Variants in CTNND2 observed in about 807,000 individuals in gnomAD.
CTNND2 encodes the protein catenin delta 2, also known as catenin delta-2.
In CTNND2, 22 loss-of-function variants were observed where a neutral mutation model predicts 144.4. The ratio of observed to expected loss-of-function variants is 0.15; its 90% confidence interval spans 0.11 to 0.22. CTNND2 has a LOEUF of 0.22. Among genes scored for constraint, CTNND2 ranks in the 10% least tolerant of loss-of-function variants. CTNND2 has a pLI of 1.00. For missense variants in CTNND2, 1,353 were observed against 1,618.8 expected, an observed-to-expected ratio of 0.84 and a Z score of 2.82; for synonymous variants, 751 against 695.6, an observed-to-expected ratio of 1.08 and a Z score of -1.25.
At chr5:11,529,787 C>A (rs1453084135) in intron 3 of CTNND2, among the ~76,000 whole-genome samples, 1 of 151,994 alleles carries the variant, frequency 6.6e-6, no homozygotes, top group Admixed American at 6.6e-5. Context: ...TATTTTCAAA[C>A]AATCTAAAAT....
chr5:11,555,769 C>A (rs1260532209), intron 3 of CTNND2, among the ~76,000 whole-genome samples: 1 of 151,778 alleles, frequency 6.6e-6, no homozygotes, highest in Non-Finnish European at 1.5e-5. Flanking sequence ...AACAATGATT[C>A]ATAAGGAGAT....
At chr5:11,854,425 G>A (rs1795159652) in intron 1 of CTNND2, among the ~76,000 whole-genome samples, 1 of 152,178 alleles carries the variant, frequency 6.6e-6, no homozygotes, top group African/African-American at 2.4e-5. Context: ...TAGCCAAGCA[G>A]ACACTTAAAA....
chr5:11,865,234 A>T (rs773838538), intron 1 of CTNND2, among the ~76,000 whole-genome samples: 1 of 152,174 alleles, frequency 6.6e-6, no homozygotes, highest in Non-Finnish European at 1.5e-5. Context: ...TGATTTAAGA[A>T]TATGAGATGG....
chr5:11,628,053 G>A (rs1378356006), intron 2 of CTNND2, among the ~76,000 whole-genome samples: 1 of 152,082 alleles, frequency 6.6e-6, no homozygotes, highest in East Asian at 1.9e-4. Flanking sequence ...CCATGGAGTA[G>A]TGCCAATCCA....
chr5:11,442,432 A>T (rs2149894991), intron 3 of CTNND2, among the ~76,000 whole-genome samples: 1 of 152,346 alleles, frequency 6.6e-6, no homozygotes, highest in Non-Finnish European at 1.5e-5. Flanking sequence ...CAGAACAAGT[A>T]AGCATATAAA....
chr5:11,109,239 G>A (rs990177879), intron 14 of CTNND2, among the ~76,000 whole-genome samples: 11 of 152,196 alleles, frequency 7.2e-5, no homozygotes, highest in African/African-American at 2.2e-4. Context: ...CTGCACACAG[G>A]AGCTCGTAGT....
At chr5:11,880,595 T>C (rs1735985638) in intron 1 of CTNND2, among the ~76,000 whole-genome samples, 1 of 124,374 alleles carries the variant, frequency 8.0e-6, no homozygotes. Context: ...CTACTCCTAC[T>C]ATCAGCACTA....
chr5:11,093,213 C>A (rs910895090), intron 15 of CTNND2, among the ~76,000 whole-genome samples: 2 of 152,176 alleles, frequency 1.3e-5, no homozygotes, highest in Admixed American at 6.5e-5. Flanking sequence ...GACTTCATAG[C>A]AAGTACAGAT....
chr5:11,124,762 C>G (rs980453720), intron 12 of CTNND2, among the ~76,000 whole-genome samples: 1 of 152,176 alleles, frequency 6.6e-6, no homozygotes, highest in Non-Finnish European at 1.5e-5. Context: ...TGTCTGTGAA[C>G]TCCTGATATT....
chr5:11,669,351 T>A (rs1273064115), intron 2 of CTNND2, among the ~76,000 whole-genome samples: 1 of 152,202 alleles, frequency 6.6e-6, no homozygotes, highest in African/African-American at 2.4e-5. Context: ...CTTCCGCTCT[T>A]TGTACCTCTG....
chr5:11,052,148 G>T (rs1561228725), intron 16 of CTNND2, among the ~76,000 whole-genome samples: 1 of 152,158 alleles, frequency 6.6e-6, no homozygotes. Flanking sequence ...AGGGCTGTTA[G>T]ATGGAAATAC....
At chr5:11,888,875 C>T (rs999842638) in intron 1 of CTNND2, among the ~76,000 whole-genome samples, 2 of 151,932 alleles carry the variant, frequency 1.3e-5, no homozygotes, top group Non-Finnish European at 2.9e-5. Context: ...CCTCAATCTC[C>T]TGAGTAACTG....
At chr5:11,508,462 G>GA (rs1160936707) in intron 3 of CTNND2, 1 of 152,022 alleles carries the variant, frequency 6.6e-6, no homozygotes, top group Non-Finnish European at 1.5e-5. Context: ...ATGCAAACGA[G>GA]AAAATTCATT....
chr5:11,471,008 C>G (rs552505973), intron 3 of CTNND2, among the ~76,000 whole-genome samples: 525 of 91,518 alleles, frequency 5.7e-3, no homozygotes, highest in South Asian at 0.013. Flanking sequence ...GATGGAGTCT[C>G]TCTCTGTCGC....
chr5:11,828,573 G>A (rs1201376393), intron 1 of CTNND2, among the ~76,000 whole-genome samples: 1 of 152,134 alleles, frequency 6.6e-6, no homozygotes, highest in Non-Finnish European at 1.5e-5. Flanking sequence ...TGCCCCACAA[G>A]CTCTCTCTGA....
chr5:11,325,397 T>A (rs1194776062), intron 9 of CTNND2, among the ~76,000 whole-genome samples: 1 of 152,136 alleles, frequency 6.6e-6, no homozygotes, highest in African/African-American at 2.4e-5. Context: ...AGTACACAAC[T>A]GATCAAGACA....
intron 1 of CTNND2, among the ~76,000 whole-genome samples, chr5:11,794,965 C>T (rs530534557): frequency 6.6e-6 from 1 of 152,326 alleles, no homozygotes; most frequent in African/African-American, 2.4e-5. Flanking sequence ...CCAAACACTA[C>T]TATATTTGTA....
chr5:11,345,905 T>G (rs948643824), intron 9 of CTNND2, among the ~76,000 whole-genome samples: 1 of 152,194 alleles, frequency 6.6e-6, no homozygotes, highest in Non-Finnish European at 1.5e-5. Context: ...TTTTCAGACA[T>G]AGAGAAATGA....
intron 9 of CTNND2, among the ~76,000 whole-genome samples, chr5:11,276,087 A>G (rs1746492663): frequency 6.6e-6 from 1 of 152,244 alleles, no homozygotes; most frequent in Non-Finnish European, 1.5e-5. Flanking sequence ...CAAATAAATC[A>G]TACATCTCAA....
Sources: allele counts gnomAD v4.1 joint callset (sites outside exome capture counted in the v4.1 genomes callset), GRCh38; gene constraint gnomAD v4.1.1; transcripts MANE v1.5; gene names NCBI Gene and HGNC (gene_info 2026-07-23, HGNC 2026-07-21).